The following RPS3A variants were observed in gnomAD, a reference collection of about 807,000 sequenced individuals.
RPS3A encodes the protein small ribosomal subunit protein eS1.
In RPS3A, 1 loss-of-function variant was observed where a neutral mutation model predicts 26.4. That is an observed-to-expected ratio of 0.04 (90% CI 0.01 to 0.18). The LOEUF is 0.18. Among genes scored for constraint, RPS3A ranks in the 10% least tolerant of loss-of-function variants. RPS3A has a pLI of 1.00. For missense variants in RPS3A, 139 were observed against 326.8 expected (o/e 0.43, Z 4.43); for synonymous variants, 97 against 106.1 (o/e 0.91, Z 0.53).
At chr4:151,103,158 CAAGGTA>C in intron 4 of RPS3A, 79 bp downstream of exon 4, 1 of 1,517,316 alleles carries the variant, frequency 6.6e-7, no homozygotes. Flanking sequence ...GCATATGAGA[CAAGGTA>C]AAGGTCTGTT....
rs1346660792 is a variant in RPS3A at position 151,099,677 on chromosome 4, C to T, written c.25C>T (p.Leu9Phe). 1 of 1,614,020 alleles carries T rather than the reference C, an allele frequency of 6.2e-7. No individual in the cohort carries two copies. ...CATGGCGGTTGGCAAGAACAAGCGCCTTACGAAAGGCGGCAAAAAGGGAGC... is the reference window on the plus strand; with the variant it reads ...CATGGCGGTTGGCAAGAACAAGCGCTTTACGAAAGGCGGCAAAAAGGGAGC... MAVGKNKR[L>F]TKGGKKGAKK... Residue 9 changes from leucine (L) to phenylalanine (F), a missense_variant, in exon 1 of 6, where the codon CTT becomes TTT. Around this residue, in one of 3 missense-constraint regions of RPS3A, gnomAD observed 35 missense variants for 60.1 expected, o/e 0.58. Coordinates refer to ENST00000274065, the MANE Select transcript of RPS3A (RefSeq NM_001006.5).
chr4:151,100,291 G>A (rs1747063182), intron 1 of RPS3A, 194 bp from the exon 2 acceptor site: 2 of 565,252 alleles, frequency 3.5e-6, no homozygotes, highest in African/African-American at 1.9e-5. Flanking sequence ...ACCTTTCAAA[G>A]TCTGATGCAT....
At chr4:151,099,934 TGAGCCGGCTTGCCGGCGCGACTCGGCTG>T in intron 1 of RPS3A, 1 of 639,278 alleles carries the variant, frequency 1.6e-6, no homozygotes, top group Non-Finnish European at 2.9e-6. Flanking sequence ...GCGTCGCGTT[TGAGCCGGCTTGCCGGCGCGACTCGGCTG>T]GAATGTTAGT....
At chr4:151,102,696 G>A (rs1452458785) in intron 3 of RPS3A, 175 bp from the exon 4 acceptor site, 3 of 739,992 alleles carry the variant, frequency 4.1e-6, no homozygotes, top group Non-Finnish European at 6.3e-6. Flanking sequence ...GAATTTGGGG[G>A]TAACTTGGTA....
In RPS3A at chr4:151,099,725, A is replaced by G. The variant is rs1747027705; in HGVS notation, c.62+11A>G. On this transcript the variant is annotated intron_variant, in intron 1 of 5. Coordinates refer to ENST00000274065, the MANE Select transcript of RPS3A (RefSeq NM_001006.5). ...AGCCAAGAAGAAAGTGTAAGTCGCGACTGTCGTGGCGTCTTGCTTTTTGGG... is the reference window on the plus strand; with the variant it reads ...AGCCAAGAAGAAAGTGTAAGTCGCGGCTGTCGTGGCGTCTTGCTTTTTGGG... The G allele has an allele frequency of 8.7e-6, 14 of 1,610,068 alleles. No individual in the cohort carries two copies. Among genetic ancestry groups the G allele is most frequent in the Non-Finnish European group, 1.2e-5 (14 of 1,178,134 alleles).
chr4:151,100,898 T>A, intron 2 of RPS3A, 77 bp from the exon 3 acceptor site: 1 of 1,002,560 alleles, frequency 1.0e-6, no homozygotes, highest in African/African-American at 1.6e-5. Context: ...TTAACTTAAT[T>A]TCTACCCTCA....
chr4:151,103,635 G>A (rs1747228172), intron 4 of RPS3A: 2 of 1,074,852 alleles, frequency 1.9e-6, no homozygotes, highest in Admixed American at 4.4e-5. Flanking sequence ...AGTGGGGTGG[G>A]ATGTGCCTGG....
At chr4:151,099,949 G>C in intron 1 of RPS3A, 90 of 553,546 alleles carry the variant, frequency 1.6e-4, no homozygotes, top group East Asian at 3.2e-4. Context: ...CGGCTTGCCG[G>C]CGCGACTCGG....
intron 3 of RPS3A, chr4:151,102,075 G>A (rs1276101972): frequency 3.9e-6 from 2 of 517,900 alleles, no homozygotes; most frequent in African/African-American, 1.9e-5. Flanking sequence ...ATGACAAAAT[G>A]TTTCAGTCCC....
Position 151,099,652 on chromosome 4 carries a change from C to A in RPS3A, c.-1C>A, listed in dbSNP as rs763552585. On this transcript the variant is annotated 5_prime_UTR_variant, in exon 1 of 6. Coordinates refer to ENST00000274065, the MANE Select transcript of RPS3A (RefSeq NM_001006.5). Reference sequence around the variant, plus strand: ...GCCCTTTTGGCTCTCTGACCAGCACCATGGCGGTTGGCAAGAACAAGCGCC... The same window carrying A: ...GCCCTTTTGGCTCTCTGACCAGCACAATGGCGGTTGGCAAGAACAAGCGCC... 3 of 1,613,788 alleles carry A rather than the reference C, an allele frequency of 1.9e-6. No homozygotes were observed. The highest frequency in any genetic ancestry group is 2.5e-6 in the Non-Finnish European group (3 of 1,179,964).
intron 3 of RPS3A, chr4:151,102,647 G>A: frequency 3.8e-6 from 2 of 525,454 alleles, no homozygotes; most frequent in Non-Finnish European, 6.8e-6. Context: ...AAAGGAGGAG[G>A]GAGGGCAGTT....
At chr4:151,100,323 A>C in intron 1 of RPS3A, 162 bp from the exon 2 acceptor site, 37 of 581,126 alleles carry the variant, frequency 6.4e-5, no homozygotes, top group Admixed American at 9.0e-5. Flanking sequence ...TACAGTGGGA[A>C]GAGCTAGATT....
At chr4:151,099,798 A>G in intron 1 of RPS3A, 84 bp downstream of exon 1, 1 of 1,396,444 alleles carries the variant, frequency 7.2e-7, no homozygotes, top group Non-Finnish European at 1.0e-6. Context: ...CGTAGGCCGG[A>G]TGGCGAGGAT....
chr4:151,103,865 C>T (rs1329201817), intron 4 of RPS3A: 1 of 1,414,110 alleles, frequency 7.1e-7, no homozygotes, highest in Non-Finnish European at 9.4e-7. Context: ...AGATGATGGC[C>T]AGTGATAACA....
intron 4 of RPS3A, 133 bp downstream of exon 4, chr4:151,103,212 T>G: frequency 7.1e-7 from 1 of 1,406,308 alleles, no homozygotes; most frequent in Non-Finnish European, 9.4e-7. Flanking sequence ...TATATCTCTT[T>G]AAGTGAAAGA....
chr4:151,103,239 A>G (rs886832194), intron 4 of RPS3A, 160 bp downstream of exon 4: 1 of 1,294,308 alleles, frequency 7.7e-7, no homozygotes, highest in Non-Finnish European at 1.0e-6. Context: ...AGTACTCAGT[A>G]AATATGATTA....
intron 4 of RPS3A, 79 bp downstream of exon 4, chr4:151,103,158 C>A: frequency 6.6e-7 from 1 of 1,517,312 alleles, no homozygotes; most frequent in South Asian, 1.3e-5. Context: ...GCATATGAGA[C>A]AAGGTAAAGG....
At chr4:151,099,754 C>G in intron 1 of RPS3A, 40 bp downstream of exon 1, 20 of 1,583,982 alleles carry the variant, frequency 1.3e-5, no homozygotes, top group Non-Finnish European at 1.7e-5. Context: ...TTTTGGGGGT[C>G]TGCTGGAATC....
intron 3 of RPS3A, among the ~76,000 whole-genome samples, chr4:151,101,840 C>T (rs1233044076): frequency 1.3e-5 from 2 of 152,156 alleles, no homozygotes; most frequent in African/African-American, 4.8e-5. Flanking sequence ...TCAAGGGATT[C>T]TCATGCCTCA....
Sources: allele counts gnomAD v4.1 joint callset (sites outside exome capture counted in the v4.1 genomes callset), GRCh38; gene constraint gnomAD v4.1.1; regional missense constraint gnomAD v4.1.1; transcripts MANE v1.5; gene names NCBI Gene and HGNC (gene_info 2026-07-23, HGNC 2026-07-21).